Variants in CDH13 observed in about 807,000 individuals in gnomAD.
The protein encoded by CDH13 is cadherin-13.
In CDH13, 24 loss-of-function variants were observed where a neutral mutation model predicts 63.8. That is an observed-to-expected ratio of 0.38 (90% CI 0.27 to 0.53). CDH13 has a LOEUF of 0.53. CDH13 is among the 20% of genes least tolerant of loss of function. The probability of loss-of-function intolerance (pLI) is 0.85; values close to 1 mark genes in which losing one functional copy is unlikely to be tolerated. For missense variants in CDH13, 1,049 were observed against 903.1 expected, an observed-to-expected ratio of 1.16 and a Z score of -2.07; for synonymous variants, 503 against 355.3, an observed-to-expected ratio of 1.42 and a Z score of -4.67.
chr16:83,496,091 A>C (rs1175036978), intron 7 of CDH13, among the ~76,000 whole-genome samples: 2 of 151,900 alleles, frequency 1.3e-5, no homozygotes, highest in Admixed American at 1.3e-4. Flanking sequence ...TGCCCAAGGT[A>C]ATTTACAGAT....
intron 4 of CDH13, among the ~76,000 whole-genome samples, chr16:83,215,193 C>T (rs760108176): frequency 2.8e-5 from 4 of 142,116 alleles, no homozygotes; most frequent in Non-Finnish European, 4.5e-5. Context: ...TCTGCTGCCT[C>T]AGCCTCCAGA....
intron 2 of CDH13, among the ~76,000 whole-genome samples, chr16:82,893,348 C>T (rs1212416729): frequency 6.6e-6 from 1 of 152,222 alleles, no homozygotes; most frequent in Admixed American, 6.5e-5. Context: ...TAAGCCATAG[C>T]AGGAAGTATT....
chr16:83,015,655 A>G (rs1033742676), intron 2 of CDH13, among the ~76,000 whole-genome samples: 1 of 69,084 alleles, frequency 1.4e-5, no homozygotes, highest in South Asian at 7.1e-4. Flanking sequence ...CTTGCAGCAT[A>G]TATGTGTGTG....
intron 1 of CDH13, among the ~76,000 whole-genome samples, chr16:82,741,443 A>G (rs1004048003): frequency 3.9e-5 from 6 of 152,200 alleles, no homozygotes; most frequent in African/African-American, 1.2e-4. Flanking sequence ...TGTGGTTTAC[A>G]AGCATTTTAT....
chr16:83,481,815 A>C (rs555263950), intron 6 of CDH13, among the ~76,000 whole-genome samples: 1 of 152,290 alleles, frequency 6.6e-6, no homozygotes, highest in East Asian at 1.9e-4. Flanking sequence ...TGGAAGCCCC[A>C]ATGCGTGTCT....
intron 4 of CDH13, among the ~76,000 whole-genome samples, chr16:83,168,455 C>G (rs1474262388): frequency 6.6e-6 from 1 of 151,908 alleles, no homozygotes; most frequent in Non-Finnish European, 1.5e-5. Context: ...CTTCCTTAGC[C>G]CAAATGCTAA....
chr16:83,057,213 C>T (rs895058820), intron 3 of CDH13, among the ~76,000 whole-genome samples: 1 of 152,180 alleles, frequency 6.6e-6, no homozygotes, highest in African/African-American at 2.4e-5. Context: ...GATCCACCTG[C>T]CTGGGCCTCC....
At chr16:83,254,296 G>A (rs541494763) in intron 5 of CDH13, among the ~76,000 whole-genome samples, 20 of 152,168 alleles carry the variant, frequency 1.3e-4, no homozygotes, top group Non-Finnish European at 2.5e-4. Context: ...CATCATGATC[G>A]TTCCTTAAAA....
At chr16:83,663,997 CAA>C (rs77224826) in intron 8 of CDH13, among the ~76,000 whole-genome samples, 10 of 86,542 alleles carry the variant, frequency 1.2e-4, no homozygotes, top group Admixed American at 1.3e-4. Flanking sequence ...CCCATCTCTA[CAA>C]AAAAAAAAAA....
chr16:83,410,637 T>G (rs942827303), intron 6 of CDH13, among the ~76,000 whole-genome samples: 2 of 152,246 alleles, frequency 1.3e-5, no homozygotes, highest in African/African-American at 4.8e-5. Context: ...CTTTTATGTC[T>G]TTTTGGGTCA....
At chr16:82,905,432 C>CGTGT (rs140795057) in intron 2 of CDH13, among the ~76,000 whole-genome samples, 8,153 of 143,564 alleles carry the variant, frequency 0.057, 263 homozygotes, top group Non-Finnish European at 0.081. Context: ...ATGAATCACA[C>CGTGT]GTGTGTGTGT....
intron 3 of CDH13, among the ~76,000 whole-genome samples, chr16:83,122,000 A>T (rs774226489): frequency 6.7e-6 from 1 of 148,682 alleles, no homozygotes; most frequent in African/African-American, 2.5e-5. Context: ...ACACACTTTT[A>T]TGGGGCCTTG....
At chr16:82,921,741 A>G (rs1039530655) in intron 2 of CDH13, among the ~76,000 whole-genome samples, 1 of 152,096 alleles carries the variant, frequency 6.6e-6, no homozygotes. Flanking sequence ...TAGTAATGTA[A>G]TAATGTAATA....
chr16:82,930,555 T>A (rs1446243141), intron 2 of CDH13, among the ~76,000 whole-genome samples: 7 of 152,156 alleles, frequency 4.6e-5, no homozygotes, highest in African/African-American at 7.2e-5. Context: ...TTAGAAATAA[T>A]TTCTTAGAAT....
In CDH13 at chr16:82,981,867, A is replaced by G. The variant is rs558994651; in HGVS notation, c.158-50143A>G. Among the ~76,000 whole-genome samples, 8 of 152,194 alleles carry G rather than the reference A, an allele frequency of 5.3e-5. No individual in the cohort carries two copies. The East Asian group carries it at 7.8e-4, about 15-fold the overall frequency. On this transcript the variant is annotated intron_variant, in intron 2 of 13. Coordinates refer to ENST00000567109, the MANE Select transcript of CDH13 (RefSeq NM_001257.5). Reference sequence around the variant, plus strand: ...GACCATTCACAGTGTATGCTTCTCAATCTCTGCAGCTTCGAACACTGTTGA... The same window carrying G: ...GACCATTCACAGTGTATGCTTCTCAGTCTCTGCAGCTTCGAACACTGTTGA...
chr16:83,031,223 C>T (rs1251679760), intron 2 of CDH13, among the ~76,000 whole-genome samples: 1 of 146,372 alleles, frequency 6.8e-6, no homozygotes, highest in African/African-American at 2.5e-5. Flanking sequence ...CATATACATG[C>T]GCATGTATAC....
At chr16:83,046,141 C>A (rs2151495601) in intron 3 of CDH13, among the ~76,000 whole-genome samples, 1 of 152,262 alleles carries the variant, frequency 6.6e-6, no homozygotes, top group African/African-American at 2.4e-5. Context: ...TTGATGGCTT[C>A]TAATAAATAA....
chr16:82,792,523 T>C (rs970669307), intron 1 of CDH13, among the ~76,000 whole-genome samples: 1 of 152,136 alleles, frequency 6.6e-6, no homozygotes, highest in Non-Finnish European at 1.5e-5. Context: ...CATTTATAAG[T>C]TCTCTCCAAG....
At chr16:83,382,402 T>G (rs535308112) in intron 6 of CDH13, among the ~76,000 whole-genome samples, 36 of 152,300 alleles carry the variant, frequency 2.4e-4, no homozygotes, top group African/African-American at 7.9e-4. Flanking sequence ...ACAGAAAAGT[T>G]GCACGAACAG....
Sources: gnomAD v4.1 joint callset for allele counts (sites outside exome capture counted in the v4.1 genomes callset) on GRCh38, gnomAD v4.1.1 for gene constraint, MANE v1.5 for transcripts, NCBI Gene and HGNC (gene_info 2026-07-23, HGNC 2026-07-21) for gene names.